DMD: variants seen among roughly 807,000 people sequenced by gnomAD.
DMD encodes mutant dystrophin.
A neutral mutation model predicts 330.1 loss-of-function variants in DMD; 63 were observed. The observed-to-expected ratio is 0.19, with a 90% CI of 0.16 to 0.24. The LOEUF (loss-of-function observed/expected upper bound fraction) is 0.24. DMD is among the 10% of genes least tolerant of loss of function. The pLI, the probability that DMD is intolerant of heterozygous loss-of-function variation, is 1.00. For missense variants in DMD, 3,344 were observed against 2,684.1 expected, an observed-to-expected ratio of 1.25 and a Z score of -5.43; for synonymous variants, 1,223 against 959.8, an observed-to-expected ratio of 1.27 and a Z score of -5.07.
At chrX:31,642,934 G>A (rs961901304) in intron 54 of DMD, among the ~76,000 whole-genome samples, 1 of 111,982 alleles carries the variant, frequency 8.9e-6, no homozygotes, top group Non-Finnish European at 1.9e-5. Flanking sequence ...CTATCTGTTC[G>A]CTTTGCGGTG....
chrX:32,503,274 C>T (rs1050064017), intron 18 of DMD, among the ~76,000 whole-genome samples: 1 of 111,503 alleles, frequency 9.0e-6, no homozygotes, highest in Non-Finnish European at 1.9e-5. Flanking sequence ...GTAGTCCCAG[C>T]TACTCAGGAA....
intron 1 of DMD, among the ~76,000 whole-genome samples, chrX:33,333,698 T>A (rs952268675): frequency 9.9e-5 from 11 of 111,320 alleles, no homozygotes; most frequent in African/African-American, 3.6e-4. Context: ...TTGATTATAG[T>A]TTCTCCTATG....
intron 5 of DMD, among the ~76,000 whole-genome samples, chrX:32,819,032 G>T (rs2078003712): frequency 2.1e-5 from 2 of 94,629 alleles, no homozygotes; most frequent in Non-Finnish European, 4.1e-5. Flanking sequence ...TTTTTCCAGG[G>T]CATGGCTTAA....
intron 52 of DMD, among the ~76,000 whole-genome samples, chrX:31,693,937 A>G (rs1488632515): frequency 8.9e-6 from 1 of 111,900 alleles, no homozygotes; most frequent in Non-Finnish European, 1.9e-5. Context: ...TGGAACCACA[A>G]AAGACCCTGG....
chrX:31,873,030 G>A (rs1198030600), intron 48 of DMD, among the ~76,000 whole-genome samples: 2 of 111,141 alleles, frequency 1.8e-5, no homozygotes, highest in Admixed American at 9.6e-5. Context: ...CAGGGTGATG[G>A]GACATCAGAA....
At chrX:32,261,889 G>T (rs2097324854) in intron 43 of DMD, among the ~76,000 whole-genome samples, 1 of 108,462 alleles carries the variant, frequency 9.2e-6, no homozygotes, top group South Asian at 4.1e-4. Flanking sequence ...TCAATTTCAG[G>T]ACTAGTTATT....
chrX:32,863,670 T>C (rs1251549225), intron 2 of DMD, among the ~76,000 whole-genome samples: 1 of 110,192 alleles, frequency 9.1e-6, no homozygotes, highest in Non-Finnish European at 1.9e-5. Context: ...AAAAGTGATA[T>C]TTAGGCTTCA....
At chrX:32,299,427 G>A in intron 42 of DMD, among the ~76,000 whole-genome samples, 1 of 110,098 alleles carries the variant, frequency 9.1e-6, no homozygotes. Context: ...TGCTTTGCCA[G>A]CAGAGACACT....
intron 73 of DMD, among the ~76,000 whole-genome samples, chrX:31,171,310 C>A (rs1022937903): frequency 9.0e-6 from 1 of 111,497 alleles, no homozygotes; most frequent in African/African-American, 3.3e-5. Flanking sequence ...ATTCTCATGT[C>A]TTCAATAACT....
intron 1 of DMD, among the ~76,000 whole-genome samples, chrX:33,065,540 A>G (rs1223290786): frequency 8.9e-6 from 1 of 112,485 alleles, no homozygotes; most frequent in Non-Finnish European, 1.9e-5. Flanking sequence ...GGATGAAATT[A>G]TGAAATGTAC....
chrX:33,048,922 A>G (rs2094423834), intron 1 of DMD, among the ~76,000 whole-genome samples: 1 of 110,629 alleles, frequency 9.0e-6, no homozygotes, highest in Non-Finnish European at 1.9e-5. Context: ...TTAAAACTGT[A>G]TCTCAACTTG....
intron 47 of DMD, among the ~76,000 whole-genome samples, chrX:31,899,704 A>G (rs1387374124): frequency 9.0e-6 from 1 of 110,844 alleles, no homozygotes; most frequent in African/African-American, 3.3e-5. Context: ...AGTCTTAACT[A>G]GAGCACACAG....
intron 17 of DMD, among the ~76,000 whole-genome samples, chrX:32,536,024 T>C (rs1357182720): frequency 9.0e-6 from 1 of 111,012 alleles, no homozygotes. Context: ...CCCAGTACTT[T>C]GGGAGGCCTT....
chrX:32,862,143 A>T (rs2149089473), intron 2 of DMD, among the ~76,000 whole-genome samples: 1 of 112,279 alleles, frequency 8.9e-6, no homozygotes, highest in Non-Finnish European at 1.9e-5. Flanking sequence ...CAAAAAAAGC[A>T]CGAAAATCTG....
At chrX:32,999,488 C>T (rs1446707492) in intron 2 of DMD, among the ~76,000 whole-genome samples, 2 of 111,517 alleles carry the variant, frequency 1.8e-5, no homozygotes, top group Non-Finnish European at 3.8e-5. Context: ...TAACATGTTA[C>T]GTTTAACATG....
At chrX:32,164,314 C>G (rs770211734) in intron 44 of DMD, among the ~76,000 whole-genome samples, 7 of 111,759 alleles carry the variant, frequency 6.3e-5, no homozygotes, top group African/African-American at 2.3e-4. Context: ...TTTGGAACTT[C>G]CTAGAGACTT....
Position 31,131,933 on chromosome X carries a change from T to G in DMD, c.11014+2169A>C, listed in dbSNP as rs73460270. ...TGAGGAAATGCCAAGATCATGGTAT[T>G]ACAGAATGATAGGCCAGATTTTCCA... On this transcript the variant is annotated intron_variant, in intron 77 of 78. Coordinates refer to ENST00000357033, the MANE Select transcript of DMD (RefSeq NM_004006.3). 8.3e-3 allele frequency among the ~76,000 whole-genome samples: 929 copies of G among 112,113 alleles called. 17 individuals are homozygous for G. Among genetic ancestry groups the G allele is most frequent in the African/African-American group, 0.029 (889 of 30,873 alleles).
At chrX:32,925,615 T>G (rs1391593983) in intron 2 of DMD, among the ~76,000 whole-genome samples, 2 of 111,685 alleles carry the variant, frequency 1.8e-5, no homozygotes, top group African/African-American at 6.5e-5. Flanking sequence ...TAAAAAGGCT[T>G]TAAGAAAGGC....
chrX:32,353,789 G>C (rs774760447), intron 37 of DMD, among the ~76,000 whole-genome samples: 2 of 110,699 alleles, frequency 1.8e-5, no homozygotes, highest in Non-Finnish European at 3.8e-5. Context: ...TGGATAAATG[G>C]ACACATAAAG....
Sources: allele counts gnomAD v4.1 joint callset (sites outside exome capture counted in the v4.1 genomes callset), GRCh38; gene constraint gnomAD v4.1.1; transcripts MANE v1.5; gene names NCBI Gene and HGNC (gene_info 2026-07-23, HGNC 2026-07-21).